ROBO2: variants seen among roughly 807,000 people sequenced by gnomAD.
ROBO2 encodes roundabout guidance receptor 2.
In ROBO2, 53 loss-of-function variants were observed where a neutral mutation model predicts 160.8. The observed-to-expected ratio is 0.33, with a 90% CI of 0.26 to 0.41. The LOEUF (loss-of-function observed/expected upper bound fraction) is 0.41, where lower values mean the gene tolerates loss of function less well. ROBO2 is among the 10% of genes least tolerant of loss of function. The pLI is 1.00. For synonymous variants in ROBO2, 664 were observed against 611.7 expected, an observed-to-expected ratio of 1.09 and a Z score of -1.26; for missense variants, 1,577 against 1,722.4, an observed-to-expected ratio of 0.92 and a Z score of 1.49.
chr3:76,034,776 C>T (rs2067047981), intron 2 of ROBO2, among the ~76,000 whole-genome samples: 1 of 152,094 alleles, frequency 6.6e-6, no homozygotes, highest in South Asian at 2.1e-4. Context: ...CTTCGTGTGA[C>T]ATTTATGAGC....
chr3:76,030,285 G>T (rs1237311621), intron 2 of ROBO2, among the ~76,000 whole-genome samples: 3 of 151,400 alleles, frequency 2.0e-5, no homozygotes, highest in African/African-American at 7.3e-5. Flanking sequence ...CAGATGTGTA[G>T]ATTGCAAAAA....
chr3:77,493,907 G>T lies in ROBO2; in HGVS notation c.806+525G>T, dbSNP rs371061232. Among the ~76,000 whole-genome samples the T allele has an allele frequency of 3.3e-5, 5 of 152,138 alleles. No individual in the cohort carries two copies. The East Asian group carries it at 5.8e-4, about 18-fold the overall frequency. ...TCACATAGGGGATTTCCAACACAGAGACCTTCTGTCACTTTCTTTTTTCCA... is the reference window on the plus strand; with the variant it reads ...TCACATAGGGGATTTCCAACACAGATACCTTCTGTCACTTTCTTTTTTCCA... On this transcript the variant is annotated intron_variant, in intron 5 of 25. Transcript: ENST00000461745.
intron 16 of ROBO2, among the ~76,000 whole-genome samples, chr3:77,586,213 A>G (rs554108821): frequency 2.3e-4 from 35 of 152,264 alleles, no homozygotes; most frequent in African/African-American, 7.9e-4. Flanking sequence ...CAAAAATGCA[A>G]TCAAATACAT....
intron 2 of ROBO2, among the ~76,000 whole-genome samples, chr3:76,669,911 G>A (rs1164314944): frequency 6.6e-6 from 1 of 151,984 alleles, no homozygotes; most frequent in Non-Finnish European, 1.5e-5. Flanking sequence ...TTTAATTAAG[G>A]GAGACTTGTT....
chr3:77,461,342 C>T (rs2082223196), intron 2 of ROBO2, among the ~76,000 whole-genome samples: 1 of 151,744 alleles, frequency 6.6e-6, no homozygotes, highest in South Asian at 2.1e-4. Flanking sequence ...TTTAATGAGC[C>T]AACATTATTA....
At chr3:76,644,790 G>C (rs1177727083) in intron 2 of ROBO2, among the ~76,000 whole-genome samples, 3 of 152,186 alleles carry the variant, frequency 2.0e-5, no homozygotes, top group Admixed American at 2.0e-4. Flanking sequence ...GTAGTTTTGT[G>C]TGGACTGGGA....
At chr3:77,074,743 T>A (rs2067777780) in intron 1 of ROBO2, among the ~76,000 whole-genome samples, 1 of 152,044 alleles carries the variant, frequency 6.6e-6, no homozygotes, top group African/African-American at 2.4e-5. Context: ...AAGTGATGAA[T>A]GAATGAATGA....
At chr3:76,666,638 G>C (rs951549023) in intron 2 of ROBO2, among the ~76,000 whole-genome samples, 1 of 151,818 alleles carries the variant, frequency 6.6e-6, no homozygotes, top group Non-Finnish European at 1.5e-5. Flanking sequence ...AAAAAATACA[G>C]TCAAACTGAT....
intron 2 of ROBO2, among the ~76,000 whole-genome samples, chr3:76,500,396 A>C (rs1577676572): frequency 6.6e-6 from 1 of 152,186 alleles, no homozygotes; most frequent in Non-Finnish European, 1.5e-5. Flanking sequence ...TACAGGTGTG[A>C]GCCACCGCAC....
intron 21 of ROBO2, among the ~76,000 whole-genome samples, chr3:77,615,785 C>A (rs1401175589): frequency 6.6e-6 from 1 of 152,022 alleles, no homozygotes; most frequent in Non-Finnish European, 1.5e-5. Flanking sequence ...ATGAATAACA[C>A]CAATAAAAAT....
intron 2 of ROBO2, among the ~76,000 whole-genome samples, chr3:77,361,441 T>TTTATTGGTTAAAAACAG (rs1213055048): frequency 1.3e-5 from 2 of 152,196 alleles, no homozygotes; most frequent in African/African-American, 4.8e-5. Flanking sequence ...AAACATGTTA[T>TTTATTGGTTAAAAACAG]ATATCAAGCT....
intron 2 of ROBO2, among the ~76,000 whole-genome samples, chr3:76,612,450 A>G (rs2088202557): frequency 6.6e-6 from 1 of 152,198 alleles, no homozygotes; most frequent in Non-Finnish European, 1.5e-5. Context: ...TAACACAGGA[A>G]CAGAAAACCA....
intron 2 of ROBO2, among the ~76,000 whole-genome samples, chr3:76,364,744 A>G (rs1416282363): frequency 2.0e-5 from 3 of 152,116 alleles, no homozygotes; most frequent in Non-Finnish European, 4.4e-5. Flanking sequence ...AGACCTGCAC[A>G]GTAACTCTTT....
intron 2 of ROBO2, among the ~76,000 whole-genome samples, chr3:77,416,075 A>G (rs1175994593): frequency 1.3e-5 from 2 of 152,154 alleles, no homozygotes; most frequent in African/African-American, 2.4e-5. Context: ...TTGCACAGAC[A>G]TTGGAGAGTG....
In ROBO2 at chr3:76,689,630, A is replaced by G. The variant is rs115040391; in HGVS notation, c.110-408384A>G. Among the ~76,000 whole-genome samples the G allele has an allele frequency of 1.7e-3, 264 of 152,300 alleles. 2 individuals carry two copies. Among genetic ancestry groups the G allele is most frequent in the African/African-American group, 6.0e-3 (248 of 41,568 alleles). ...GTAGGAAACCCAACTTGACTACTAG[A>G]AACCTTAATAAACAATGATCATCTC... On this transcript the variant is annotated intron_variant, in intron 2 of 26. Transcript: ENST00000487694.
chr3:77,400,496 T>G (rs1054360054), intron 2 of ROBO2, among the ~76,000 whole-genome samples: 6 of 152,188 alleles, frequency 3.9e-5, no homozygotes, highest in African/African-American at 1.4e-4. Flanking sequence ...AGCCAGTACG[T>G]TCACTTTAGA....
At chr3:77,116,720 CT>C (rs2074243160) in intron 2 of ROBO2, among the ~76,000 whole-genome samples, 1 of 152,156 alleles carries the variant, frequency 6.6e-6, no homozygotes, top group Non-Finnish European at 1.5e-5. Flanking sequence ...ATTTTCTTGC[CT>C]TTGGCTACGG....
At chr3:77,277,091 AAGAG>A (rs1230780850) in intron 2 of ROBO2, among the ~76,000 whole-genome samples, 3 of 151,594 alleles carry the variant, frequency 2.0e-5, no homozygotes, top group Admixed American at 6.6e-5. Flanking sequence ...TAAAAAGAAA[AAGAG>A]AGAGAGAGAG....
intron 2 of ROBO2, among the ~76,000 whole-genome samples, chr3:77,436,814 A>G (rs1282306303): frequency 1.3e-5 from 2 of 151,960 alleles, no homozygotes; most frequent in East Asian, 3.8e-4. Flanking sequence ...CTATTCAAAT[A>G]GGAATAAGGA....
Sources: allele counts gnomAD v4.1 joint callset (sites outside exome capture counted in the v4.1 genomes callset), GRCh38; gene constraint gnomAD v4.1.1; transcripts MANE v1.5; gene names NCBI Gene and HGNC (gene_info 2026-07-23, HGNC 2026-07-21).